Variants in ANKRD17 observed in about 807,000 individuals in gnomAD.
ANKRD17 encodes the protein ankyrin repeat domain-containing protein 17.
ANKRD17 carries 19 observed loss-of-function variants against 229.7 expected under a neutral mutation model. The ratio of observed to expected loss-of-function variants is 0.08; its 90% confidence interval spans 0.06 to 0.12. The LOEUF is 0.12. Among genes scored for constraint, ANKRD17 ranks in the 10% least tolerant of loss-of-function variants. ANKRD17 has a pLI of 1.00. For synonymous variants in ANKRD17, 1,112 were observed against 1,146.1 expected, an observed-to-expected ratio of 0.97 and a Z score of 0.60; for missense variants, 2,176 against 3,176.8, an observed-to-expected ratio of 0.68 and a Z score of 7.57.
intron 1 of ANKRD17, among the ~76,000 whole-genome samples, chr4:73,238,078 A>T (rs1271963184): frequency 6.6e-6 from 1 of 151,544 alleles, no homozygotes; most frequent in Non-Finnish European, 1.5e-5. Flanking sequence ...AAAATAAGGG[A>T]TTCTCCTAAA....
chr4:73,172,607 A>G (rs1201547981), intron 2 of ANKRD17, among the ~76,000 whole-genome samples: 2 of 152,236 alleles, frequency 1.3e-5, no homozygotes, highest in African/African-American at 4.8e-5. Flanking sequence ...CAACTTTTCA[A>G]GACATATGCA....
Position 73,136,980 on chromosome 4 carries a change from G to GTTT in ANKRD17, c.3086-1718_3086-1716dup, listed in dbSNP as rs33966935. Among the ~76,000 whole-genome samples the GTTT allele has an allele frequency of 7.9e-4, 103 of 131,190 alleles. 1 individual carries two copies. The highest frequency in any genetic ancestry group is 1.9e-3 in the African/African-American group (64 of 34,294). The allele number at this position is 131,190 out of a possible 152,430, so 86.1% of individuals were successfully genotyped here. ...TTAAAGAACCTACCAAAATTACAGAGTTTTTTTTTTTTTTTTTTTTAAGTC... is the reference window on the plus strand; with the variant it reads ...TTAAAGAACCTACCAAAATTACAGAGTTTTTTTTTTTTTTTTTTTTTTTAAGTC... On this transcript the variant is annotated intron_variant, in intron 15 of 33. Coordinates refer to ENST00000358602, the MANE Select transcript of ANKRD17 (RefSeq NM_032217.5).
chr4:73,129,715 C>T (rs1056549653), intron 16 of ANKRD17, among the ~76,000 whole-genome samples: 1 of 150,892 alleles, frequency 6.6e-6, no homozygotes, highest in Non-Finnish European at 1.5e-5. Flanking sequence ...GAGACCCTGT[C>T]TCAACAACAA....
intron 16 of ANKRD17, among the ~76,000 whole-genome samples, chr4:73,129,709 C>T (rs976650910): frequency 6.6e-6 from 1 of 151,618 alleles, no homozygotes; most frequent in African/African-American, 2.4e-5. Context: ...AAGAGTGAGA[C>T]CCTGTCTCAA....
intron 1 of ANKRD17, among the ~76,000 whole-genome samples, chr4:73,204,378 A>G (rs1480181744): frequency 1.3e-5 from 2 of 149,488 alleles, no homozygotes; most frequent in African/African-American, 2.4e-5. Context: ...AAAAAAAAAA[A>G]AGAAAAGAAA....
At chr4:73,103,218 A>C (rs1197519181) in intron 24 of ANKRD17, among the ~76,000 whole-genome samples, 1 of 152,042 alleles carries the variant, frequency 6.6e-6, no homozygotes, top group Non-Finnish European at 1.5e-5. Flanking sequence ...GGAGAAAAAA[A>C]GGCACACTGA....
At chr4:73,147,499 T>C (rs1341702700) in intron 8 of ANKRD17, 67 bp from the exon 9 acceptor site, 5 of 1,260,078 alleles carry the variant, frequency 4.0e-6, no homozygotes, top group Non-Finnish European at 4.2e-6. Context: ...AAAAACATGA[T>C]TGTTTCTTAA....
At chr4:73,151,250 T>A (rs556782411) in intron 7 of ANKRD17, among the ~76,000 whole-genome samples, 180 bp downstream of exon 7, 19 of 152,320 alleles carry the variant, frequency 1.2e-4, no homozygotes, top group Admixed American at 1.0e-3. Context: ...ACTAAGAAAA[T>A]GCAGGTAGCA....
At chr4:73,199,364 T>A (rs1223758003) in intron 1 of ANKRD17, among the ~76,000 whole-genome samples, 1 of 152,136 alleles carries the variant, frequency 6.6e-6, no homozygotes, top group African/African-American at 2.4e-5. Context: ...GCACCTTTCA[T>A]TCATCAACCT....
intron 10 of ANKRD17, among the ~76,000 whole-genome samples, chr4:73,145,201 C>T (rs770153553): frequency 2.6e-5 from 4 of 152,056 alleles, no homozygotes; most frequent in East Asian, 1.9e-4. Flanking sequence ...TGGCCTTCTC[C>T]GAACAATCAA....
chr4:73,089,421 G>C (rs1409254382), intron 29 of ANKRD17, among the ~76,000 whole-genome samples: 1 of 152,080 alleles, frequency 6.6e-6, no homozygotes, highest in Admixed American at 6.6e-5. Context: ...AGACCATAGT[G>C]TGTCCATCTC....
chr4:73,169,600 T>C (rs1334303110), intron 2 of ANKRD17, among the ~76,000 whole-genome samples: 4 of 152,034 alleles, frequency 2.6e-5, no homozygotes, highest in Non-Finnish European at 5.9e-5. Context: ...AGCATCTTCA[T>C]AAGAACCCAA....
At chr4:73,141,298 T>C (rs867353887) in intron 14 of ANKRD17, among the ~76,000 whole-genome samples, 10 of 152,202 alleles carry the variant, frequency 6.6e-5, no homozygotes, top group Non-Finnish European at 7.3e-5. Flanking sequence ...AACTGAATTA[T>C]TGGTTGAGAA....
chr4:73,208,082 C>T (rs997635371), intron 1 of ANKRD17, among the ~76,000 whole-genome samples: 30 of 145,654 alleles, frequency 2.1e-4, no homozygotes, highest in Non-Finnish European at 3.1e-4. Context: ...CCAGCTACTC[C>T]GGAGGCTGAG....
chr4:73,109,864 G>A (rs1725091025), intron 24 of ANKRD17, among the ~76,000 whole-genome samples: 2 of 151,904 alleles, frequency 1.3e-5, no homozygotes, highest in Admixed American at 1.3e-4. Context: ...GGTCGGTGGT[G>A]TTGGCAGGAT....
chr4:73,113,067 C>T (rs1053778834), intron 24 of ANKRD17: 21 of 1,165,856 alleles, frequency 1.8e-5, no homozygotes, highest in Non-Finnish European at 2.0e-5. Flanking sequence ...GGAATACAGG[C>T]GTGAGCTACT....
intron 18 of ANKRD17, among the ~76,000 whole-genome samples, chr4:73,122,743 C>CAT (rs1247378263): frequency 6.6e-6 from 1 of 152,046 alleles, no homozygotes; most frequent in Admixed American, 6.6e-5. Context: ...TTAGATATCA[C>CAT]ATTCTTTCCA....
Position 73,258,165 on chromosome 4 carries a change from C to G in ANKRD17, c.393+111G>C, listed in dbSNP as rs559829291. ...GAAAGGGGGCAGTCGAAAGCCTGGC[C>G]CCTAAGAGATCAACCCACTGGAATC... is the stretch of plus-strand genomic sequence containing the variant. On this transcript the variant is annotated intron_variant, in intron 1 of 33. Coordinates refer to ENST00000358602, the MANE Select transcript of ANKRD17 (RefSeq NM_032217.5). 3.9e-6 allele frequency: 6 copies of G among 1,549,318 alleles called. No individual in the cohort carries two copies. In the African/African-American group the frequency reaches 8.2e-5, roughly 21 times the overall value.
At chr4:73,153,365 C>T (rs989278033) in intron 6 of ANKRD17, among the ~76,000 whole-genome samples, 12 of 151,996 alleles carry the variant, frequency 7.9e-5, no homozygotes, top group Admixed American at 6.6e-4. Flanking sequence ...AAGTAAAACA[C>T]CTTACTTTAC....
Sources: allele counts gnomAD v4.1 joint callset (sites outside exome capture counted in the v4.1 genomes callset), GRCh38; gene constraint gnomAD v4.1.1; transcripts MANE v1.5; gene names NCBI Gene and HGNC (gene_info 2026-07-23, HGNC 2026-07-21).